SBF2: variants seen among roughly 807,000 people sequenced by gnomAD.
SBF2 encodes SET binding factor 2.
In SBF2, 112 loss-of-function variants were observed where a neutral mutation model predicts 225.2. That is an observed-to-expected ratio of 0.50 (90% CI 0.43 to 0.58). The LOEUF (loss-of-function observed/expected upper bound fraction) is 0.58. Ranked by LOEUF, SBF2 falls within the 20% of genes least tolerant of loss-of-function variation. The pLI, the probability that SBF2 is intolerant of heterozygous loss-of-function variation, is 0.00. For synonymous variants in SBF2, 763 were observed against 773.3 expected, an observed-to-expected ratio of 0.99 and a Z score of 0.22; for missense variants, 1,996 against 2,206.2, an observed-to-expected ratio of 0.90 and a Z score of 1.91.
At chr11:9,930,289 C>A (rs981619569) in intron 16 of SBF2, among the ~76,000 whole-genome samples, 3 of 151,936 alleles carry the variant, frequency 2.0e-5, no homozygotes, top group African/African-American at 7.3e-5. Flanking sequence ...TACTATTCAC[C>A]ATTAAAAAGG....
intron 2 of SBF2, among the ~76,000 whole-genome samples, chr11:10,140,267 G>C (rs145590773): frequency 6.6e-6 from 1 of 152,242 alleles, no homozygotes; most frequent in African/African-American, 2.4e-5. Flanking sequence ...CCTCCGGTTG[G>C]GGAATGGCTT....
intron 2 of SBF2, among the ~76,000 whole-genome samples, chr11:10,153,262 C>T (rs1955305825): frequency 6.6e-6 from 1 of 152,084 alleles, no homozygotes; most frequent in African/African-American, 2.4e-5. Context: ...TAAATTTAAG[C>T]AGTAGAGGCC....
intron 32 of SBF2, among the ~76,000 whole-genome samples, chr11:9,804,062 A>G (rs931213199): frequency 6.6e-6 from 1 of 152,116 alleles, no homozygotes; most frequent in Non-Finnish European, 1.5e-5. Flanking sequence ...AAAGGACCCC[A>G]GGTCCTTTCC....
At chr11:10,241,357 A>C (rs957070754) in intron 1 of SBF2, among the ~76,000 whole-genome samples, 1 of 152,212 alleles carries the variant, frequency 6.6e-6, no homozygotes, top group African/African-American at 2.4e-5. Context: ...GTCTCAAAAA[A>C]AAGAGAAAGT....
chr11:9,815,281 TAAAAAA>T (rs35464212), intron 29 of SBF2, among the ~76,000 whole-genome samples: 1 of 42,804 alleles, frequency 2.3e-5, no homozygotes, highest in African/African-American at 1.1e-4. Context: ...CTACTAAAAC[TAAAAAA>T]AAAAAAAAAA....
intron 2 of SBF2, among the ~76,000 whole-genome samples, chr11:10,135,978 A>G (rs1591040609): frequency 6.6e-6 from 1 of 152,150 alleles, no homozygotes; most frequent in East Asian, 1.9e-4. Context: ...ATAAAGACAT[A>G]CCTGATACTG....
intron 2 of SBF2, among the ~76,000 whole-genome samples, chr11:10,087,852 T>A (rs1478349158): frequency 6.6e-6 from 1 of 152,188 alleles, no homozygotes; most frequent in Admixed American, 6.5e-5. Context: ...CATTGAAATA[T>A]CAGCCATGAA....
intron 21 of SBF2, 118 bp downstream of exon 21, chr11:9,852,558 A>T: frequency 1.3e-6 from 1 of 778,898 alleles, no homozygotes; most frequent in Admixed American, 1.8e-5. Flanking sequence ...ACATATCATT[A>T]AAACTGGAGT....
chr11:10,163,009 G>T (rs561415646), intron 2 of SBF2, among the ~76,000 whole-genome samples: 2 of 152,016 alleles, frequency 1.3e-5, no homozygotes, highest in Non-Finnish European at 2.9e-5. Flanking sequence ...AAAATATCAG[G>T]GAATGTATGA....
At chr11:9,888,005 T>G (rs1456927204) in intron 17 of SBF2, among the ~76,000 whole-genome samples, 1 of 152,196 alleles carries the variant, frequency 6.6e-6, no homozygotes, top group Non-Finnish European at 1.5e-5. Flanking sequence ...ATTTTTCTTC[T>G]AGCCACAATC....
intron 2 of SBF2, among the ~76,000 whole-genome samples, chr11:10,160,122 A>T (rs114787172): frequency 0.014 from 2,207 of 152,276 alleles, 59 homozygotes; most frequent in African/African-American, 0.051. Flanking sequence ...AGAAGTAAAA[A>T]ATATCTTTGC....
chr11:10,080,584 C>T (rs1051558621), intron 2 of SBF2, among the ~76,000 whole-genome samples: 1 of 150,638 alleles, frequency 6.6e-6, no homozygotes, highest in African/African-American at 2.4e-5. Context: ...TAGATAGAAA[C>T]ATTATGATAG....
At chr11:10,278,767 A>G (rs1010940871) in intron 1 of SBF2, among the ~76,000 whole-genome samples, 1 of 149,494 alleles carries the variant, frequency 6.7e-6, no homozygotes, top group Non-Finnish European at 1.5e-5. Context: ...CCTGGGCAAC[A>G]AGAACGAAAC....
chr11:10,299,723 G>C (rs538617203), intron 1 of SBF2, among the ~76,000 whole-genome samples: 1 of 150,154 alleles, frequency 6.7e-6, no homozygotes, highest in Admixed American at 6.7e-5. Context: ...TGGGGAGGGG[G>C]TATAATAAAT....
chr11:9,853,473 C>A, intron 20 of SBF2, 67 bp downstream of exon 20: 1 of 1,378,748 alleles, frequency 7.3e-7, no homozygotes. Flanking sequence ...ACATGTATTG[C>A]CAGGTTTTAT....
intron 28 of SBF2, chr11:9,819,528 T>C (rs922059101): frequency 1.3e-5 from 2 of 152,190 alleles, no homozygotes; most frequent in Non-Finnish European, 2.9e-5. Flanking sequence ...CACCTGTTTA[T>C]AAATACTATA....
intron 27 of SBF2, chr11:9,829,753 G>A (rs1855276773): frequency 6.8e-6 from 3 of 441,860 alleles, no homozygotes; most frequent in South Asian, 2.2e-5. Flanking sequence ...CCCAGGTCTG[G>A]AAAACCAGCA....
At chr11:9,947,452 A>C (rs560657022) in intron 16 of SBF2, among the ~76,000 whole-genome samples, 6 of 152,340 alleles carry the variant, frequency 3.9e-5, no homozygotes, top group Non-Finnish European at 8.8e-5. Flanking sequence ...CTGAGTTCAC[A>C]ACCTCACAGG....
Position 9,812,641 on chromosome 11 carries a change from A to C in SBF2, c.4046T>G (p.Val1349Gly). Residue 1349 changes from valine (V) to glycine (G), a missense_variant, in exon 30 of 40, where the codon GTG (valine) becomes GGG (glycine). Val to Gly is a moderately radical substitution (Grantham distance 109). Transcript: ENST00000256190. ...VPVEFHEIRQ[V>G]KASFKKLMRA... is the part of the protein sequence containing the mutation. ...CATCAGCTTCTTAAAACTGGCTTTC[A>C]CTTGCCGGATTTCATGAAATTCAAC... 1 of 1,614,200 alleles carries C rather than the reference A, an allele frequency of 6.2e-7. No homozygotes were observed.
Sources: allele counts gnomAD v4.1 joint callset (sites outside exome capture counted in the v4.1 genomes callset), GRCh38; gene constraint gnomAD v4.1.1; transcripts MANE v1.5; gene names NCBI Gene and HGNC (gene_info 2026-07-23, HGNC 2026-07-21).